TMPRSS11A: variants seen among roughly 807,000 people sequenced by gnomAD.
The protein encoded by TMPRSS11A is transmembrane protease serine 11A.
A neutral mutation model predicts 58.9 loss-of-function variants in TMPRSS11A; 53 were observed. That is an observed-to-expected ratio of 0.90 (90% CI 0.72 to 1.13). TMPRSS11A has a LOEUF of 1.13. TMPRSS11A is among the 50% of genes most tolerant of loss of function. The pLI is 0.00. For synonymous variants in TMPRSS11A, 167 were observed against 169.8 expected, an observed-to-expected ratio of 0.98 and a Z score of 0.13; for missense variants, 493 against 499.3, an observed-to-expected ratio of 0.99 and a Z score of 0.12.
Position 67,963,430 on chromosome 4 carries a change from C to A in TMPRSS11A, c.-37G>T. The stretch of plus-strand genomic sequence containing the variant: ...AGAATATGATCTTGCAGGTCTGCAC[C>A]CACTGAACTCAACTTTCTAATCAAC... On this transcript the variant is annotated 5_prime_UTR_variant, in exon 1 of 10. Coordinates refer to ENST00000508048, the MANE Select transcript of TMPRSS11A (RefSeq NM_001114387.2). The A allele has an allele frequency of 6.2e-7, 1 of 1,610,842 alleles. No individual in the cohort carries two copies. The highest frequency in any genetic ancestry group is 8.5e-7 in the Non-Finnish European group (1 of 1,178,530).
chr4:67,949,289 A>G, intron 1 of TMPRSS11A, among the ~76,000 whole-genome samples: 1 of 152,140 alleles, frequency 6.6e-6, no homozygotes, highest in East Asian at 1.9e-4. Flanking sequence ...ATACCCATTG[A>G]CATACTGATC....
rs1409729514 is a variant in TMPRSS11A, at chr4:67,928,619, A to C, written c.481+1261T>G. ...CTTCTATTCATTTGCTTCCCCATCT[A>C]ACAAAGAAGATGGATTAAGCACTTG... On this transcript the variant is annotated intron_variant, in intron 5 of 9. Coordinates refer to ENST00000508048, the MANE Select transcript of TMPRSS11A (RefSeq NM_001114387.2). 3.3e-5 allele frequency among the ~76,000 whole-genome samples: 5 copies of C among 152,324 alleles called. No individual in the cohort carries two copies. In the East Asian group the frequency reaches 9.6e-4, roughly 29 times the overall value.
At chr4:67,930,808 C>CTTT (rs67302217) in intron 4 of TMPRSS11A, among the ~76,000 whole-genome samples, 14,255 of 51,028 alleles carry the variant, frequency 0.28, 2,175 homozygotes, top group Non-Finnish European at 0.33. Flanking sequence ...GTTATCTCTC[C>CTTT]TTTTTTTTTT....
chr4:67,911,137 C>A lies in TMPRSS11A; in HGVS notation c.*205G>T, dbSNP rs576338552. On this transcript the variant is annotated 3_prime_UTR_variant, in exon 10 of 10. Coordinates refer to ENST00000508048, the MANE Select transcript of TMPRSS11A (RefSeq NM_001114387.2). ...TCTACCGTATTTTTCAAGCCAGATC[C>A]ATTACTTTACAAATAAAAGTCCCTT... 1.4e-4 allele frequency: 65 copies of A among 461,770 alleles called. 2 individuals are homozygous for A. In the South Asian group the frequency reaches 3.2e-3, roughly 22 times the overall value. 28.6% of individuals were successfully genotyped at this position (461,770 alleles called of 1,614,324 possible). A position where few individuals can be genotyped will look rare whatever the true frequency, so the allele number is the denominator to read the frequency against.
chr4:67,909,541 A>G lies in TMPRSS11A; in HGVS notation c.*1801T>C, dbSNP rs946348425. 2.0e-5 allele frequency: 3 copies of G among 152,206 alleles called. No homozygotes were observed. Among genetic ancestry groups the G allele is most frequent in the African/African-American group, 4.8e-5 (2 of 41,466 alleles). 9.4% of individuals were successfully genotyped at this position (152,206 alleles called of 1,614,324 possible). On this transcript the variant is annotated 3_prime_UTR_variant, in exon 10 of 10. Transcript: ENST00000508048. ...TTCCTGAATCTGAACATCCAAAGTC[A>G]GCATTAAGTTTTACCACCATAATAT...
At chr4:67,941,955 G>A (rs779629651) in intron 3 of TMPRSS11A, among the ~76,000 whole-genome samples, 4 of 152,050 alleles carry the variant, frequency 2.6e-5, no homozygotes, top group African/African-American at 7.2e-5. Context: ...ATGGATAAGC[G>A]CAGTGTCCAC....
At chr4:67,929,813 A>G (rs1171302903) in intron 5 of TMPRSS11A, 67 bp downstream of exon 5, 1 of 1,326,296 alleles carries the variant, frequency 7.5e-7, no homozygotes, top group African/African-American at 1.5e-5. Context: ...TGACAAATAA[A>G]TTTGAGATTC....
intron 2 of TMPRSS11A, among the ~76,000 whole-genome samples, chr4:67,945,527 T>C (rs1234303392): frequency 6.6e-6 from 1 of 152,176 alleles, no homozygotes; most frequent in East Asian, 1.9e-4. Flanking sequence ...TTACTCTCAT[T>C]GTAAAGAGAC....
intron 5 of TMPRSS11A, among the ~76,000 whole-genome samples, chr4:67,925,353 T>G (rs1720439625): frequency 6.6e-6 from 1 of 152,192 alleles, no homozygotes; most frequent in Non-Finnish European, 1.5e-5. Flanking sequence ...TTTTGATGAT[T>G]TTCAAGTTAA....
At chr4:67,934,428 A>C (rs1247847944) in intron 3 of TMPRSS11A, among the ~76,000 whole-genome samples, 1 of 152,154 alleles carries the variant, frequency 6.6e-6, no homozygotes, top group Non-Finnish European at 1.5e-5. Context: ...CTGGCATTCC[A>C]AGTTCCCAGA....
At chr4:67,937,395 ACC>A (rs1720778493) in intron 3 of TMPRSS11A, among the ~76,000 whole-genome samples, 1 of 152,206 alleles carries the variant, frequency 6.6e-6, no homozygotes, top group South Asian at 2.1e-4. Context: ...TAATAAGTAT[ACC>A]TAATGTATCT....
intron 5 of TMPRSS11A, 131 bp downstream of exon 5, chr4:67,929,749 C>A (rs1720563184): frequency 4.5e-6 from 4 of 889,828 alleles, no homozygotes; most frequent in Non-Finnish European, 5.1e-6. Context: ...AATGTCACAT[C>A]TTTAACTTGA....
At chr4:67,952,227 G>T (rs1480281431) in intron 1 of TMPRSS11A, among the ~76,000 whole-genome samples, 1 of 152,170 alleles carries the variant, frequency 6.6e-6, no homozygotes, top group Non-Finnish European at 1.5e-5. Context: ...GCAATAACTT[G>T]CTCAATTCAT....
chr4:67,914,742 A>G lies in TMPRSS11A; in HGVS notation c.953-12T>C, dbSNP rs1279686970. The G allele has an allele frequency of 1.2e-6, 2 of 1,609,834 alleles. No individual in the cohort carries two copies. Among genetic ancestry groups the G allele is most frequent in the African/African-American group, 2.7e-5 (2 of 74,760 alleles). On this transcript the variant is annotated splice_polypyrimidine_tract_variant and intron_variant, in intron 8 of 9. Coordinates refer to ENST00000508048, the MANE Select transcript of TMPRSS11A (RefSeq NM_001114387.2). Reference sequence around the variant, plus strand: ...ATTTTGGGATTCCCCTTAAGGAAAAATAGAGTTATTCTAGTATTTACAATC... The same window carrying G: ...ATTTTGGGATTCCCCTTAAGGAAAAGTAGAGTTATTCTAGTATTTACAATC...
intron 5 of TMPRSS11A, among the ~76,000 whole-genome samples, chr4:67,927,738 T>C (rs1282234127): frequency 6.6e-6 from 1 of 152,244 alleles, no homozygotes; most frequent in African/African-American, 2.4e-5. Flanking sequence ...CTGTTCTTTC[T>C]ACATTGAACA....
At chr4:67,914,803 C>A in intron 8 of TMPRSS11A, 73 bp from the exon 9 acceptor site, 1 of 1,285,724 alleles carries the variant, frequency 7.8e-7, no homozygotes, top group South Asian at 1.5e-5. Context: ...GCAGACTTTC[C>A]TAATATTTTT....
rs1215693768 is a variant in TMPRSS11A, at chr4:67,911,241, G to A, written c.*101C>T. The A allele has an allele frequency of 4.8e-6, 5 of 1,042,864 alleles. No individual in the cohort carries two copies. In the African/African-American group the frequency reaches 6.3e-5, roughly 13 times the overall value. 64.6% of individuals were successfully genotyped at this position (1,042,864 alleles called of 1,614,324 possible). A position where few individuals can be genotyped will look rare whatever the true frequency, so the allele number is the denominator to read the frequency against. On this transcript the variant is annotated 3_prime_UTR_variant, in exon 10 of 10. Transcript: ENST00000508048. ...TGTGTGTTTCATGTTACTAGATCCA[G>A]TAATTTAATATCACTTTGTTGTACT...
intron 7 of TMPRSS11A, among the ~76,000 whole-genome samples, chr4:67,920,185 AT>A (rs369462824): frequency 3.9e-5 from 6 of 152,218 alleles, no homozygotes; most frequent in African/African-American, 1.4e-4. Context: ...CGGAAAAATC[AT>A]TTAGTAGCAA....
rs769088421 is a variant in TMPRSS11A, at chr4:67,911,298, A to G, written c.*44T>C. Reference sequence around the variant, plus strand: ...ACTAAATAGTTGAATTCTCATGCATATATGACCTGCATACAGCTTTCTTTG... The same window carrying G: ...ACTAAATAGTTGAATTCTCATGCATGTATGACCTGCATACAGCTTTCTTTG... On this transcript the variant is annotated 3_prime_UTR_variant, in exon 10 of 10. Transcript: ENST00000508048. 5.6e-5 allele frequency: 89 copies of G among 1,587,540 alleles called. No homozygotes were observed. Among genetic ancestry groups the G allele is most frequent in the Admixed American group, 3.0e-4 (18 of 59,430 alleles).
Sources: allele counts gnomAD v4.1 joint callset (sites outside exome capture counted in the v4.1 genomes callset), GRCh38; gene constraint gnomAD v4.1.1; transcripts MANE v1.5; gene names NCBI Gene and HGNC (gene_info 2026-07-23, HGNC 2026-07-21).